Variants in DLC1 observed in about 807,000 individuals in gnomAD.
DLC1 encodes the protein rho GTPase-activating protein 7.
In DLC1, 54 loss-of-function variants were observed where a neutral mutation model predicts 140.3. That is an observed-to-expected ratio of 0.38 (90% CI 0.31 to 0.48). The LOEUF (loss-of-function observed/expected upper bound fraction) is 0.48, where lower values mean the gene tolerates loss of function less well. Ranked by LOEUF, DLC1 falls within the 20% of genes least tolerant of loss-of-function variation. The pLI is 0.96. For missense variants in DLC1, 2,536 were observed against 1,907.0 expected (o/e 1.33, Z -6.14); for synonymous variants, 986 against 728.1 (o/e 1.35, Z -5.70).
intron 10 of DLC1, among the ~76,000 whole-genome samples, chr8:13,096,244 T>G (rs959491266): frequency 2.0e-5 from 3 of 152,198 alleles, no homozygotes; most frequent in Admixed American, 2.0e-4. Context: ...AGAAGTATTA[T>G]GGACTTTCAG....
chr8:13,302,152 G>T (rs2117507205), intron 5 of DLC1, among the ~76,000 whole-genome samples: 1 of 152,314 alleles, frequency 6.6e-6, no homozygotes, highest in Non-Finnish European at 1.5e-5. Context: ...ACAGTACTTT[G>T]ATTTGATTCC....
intron 4 of DLC1, among the ~76,000 whole-genome samples, chr8:13,313,670 G>T (rs1832764301): frequency 6.6e-6 from 1 of 152,188 alleles, no homozygotes; most frequent in Admixed American, 6.5e-5. Context: ...AATATAGGTT[G>T]TCTGTCTCTG....
chr8:13,250,937 A>G lies in DLC1; in HGVS notation c.1348+54332T>C, dbSNP rs1288817429. 8.8e-5 allele frequency among the ~76,000 whole-genome samples: 13 copies of G among 148,382 alleles called. No homozygotes were observed. The East Asian group carries it at 1.0e-3, about 12-fold the overall frequency. On this transcript the variant is annotated intron_variant, in intron 5 of 17. Transcript: ENST00000276297. ...TGACTACATTTAATACTAAAAGAAAATTCAGTGCATTGCTGTGTAAGTCTA... is the reference window on the plus strand; with the variant it reads ...TGACTACATTTAATACTAAAAGAAAGTTCAGTGCATTGCTGTGTAAGTCTA...
In DLC1 at chr8:13,499,966, C is replaced by T; in HGVS notation, c.106G>A (p.Val36Ile). Residue 36 changes from valine (V) to isoleucine (I), a missense_variant, in exon 2 of 18, where the codon GTA (valine) becomes ATA (isoleucine). By Grantham distance (29) the Val-to-Ile change is conservative. Transcript: ENST00000276297. ...ATACTTGCCTGCAAGCTGTCAGCTA[C>T]TAGTCCATGATGACATGCTGTGTTA... ...DRNTACHHGL[V>I]ADSLQASMEK... is the part of the protein sequence containing the mutation. 1 of 1,614,106 alleles carries T rather than the reference C, an allele frequency of 6.2e-7. No individual in the cohort carries two copies. Among genetic ancestry groups the T allele is most frequent in the South Asian group, 1.1e-5 (1 of 91,088 alleles).
At position 13,496,785 on chromosome 8, in the gene DLC1, CCTTTTTTT is replaced by C. The variant is rs1392064776; in HGVS notation, c.1023+2256_1023+2263del. ...TAATTAACAAATTCTTAGACCATTT[CCTTTTTTT>C]TTTTTTTTTTTTTTTTTTTTTTTTT... is the stretch of plus-strand genomic sequence containing the variant. On this transcript the variant is annotated intron_variant, in intron 2 of 17. Coordinates refer to ENST00000276297, the MANE Select transcript of DLC1 (RefSeq NM_182643.3). 9.9e-3 allele frequency among the ~76,000 whole-genome samples: 86 copies of C among 8,650 alleles called. 25 individuals are homozygous for C. Among genetic ancestry groups the C allele is most frequent in the Non-Finnish European group, 0.028 (40 of 1,454 alleles). The allele number at this position is 8,650 out of a possible 152,430, so 5.7% of individuals were successfully genotyped here. A position where few individuals can be genotyped will look rare whatever the true frequency, so the allele number is the denominator to read the frequency against.
At chr8:13,299,992 T>C (rs141651676) in intron 5 of DLC1, among the ~76,000 whole-genome samples, 1 of 152,266 alleles carries the variant, frequency 6.6e-6, no homozygotes, top group African/African-American at 2.4e-5. Flanking sequence ...CATATGTTCA[T>C]TGCAGCACTA....
chr8:13,343,924 A>G (rs936171815), intron 4 of DLC1, among the ~76,000 whole-genome samples: 3 of 152,134 alleles, frequency 2.0e-5, no homozygotes, highest in Admixed American at 6.5e-5. Context: ...TGAAATACTT[A>G]GTTGCTTAAG....
intron 1 of DLC1, among the ~76,000 whole-genome samples, chr8:13,520,447 G>A (rs994025934): frequency 6.6e-6 from 1 of 152,042 alleles, no homozygotes; most frequent in African/African-American, 2.4e-5. Flanking sequence ...CACAGGGAGG[G>A]GAACATCACA....
chr8:13,092,704 T>A lies in DLC1; in HGVS notation c.3648A>T (p.Lys1216Asn). 1 of 1,614,170 alleles carries A rather than the reference T, an allele frequency of 6.2e-7. No homozygotes were observed. Among genetic ancestry groups the A allele is most frequent in the Non-Finnish European group, 8.5e-7 (1 of 1,180,020 alleles). The change falls in exon 13 of 18, where the codon AAA becomes AAT. Residue 1216 changes from lysine (K) to asparagine (N), a missense_variant. By Grantham distance (94) the Lys-to-Asn change is moderately conservative (BLOSUM62 0). Coordinates refer to ENST00000276297, the MANE Select transcript of DLC1 (RefSeq NM_182643.3). The part of the protein sequence containing the change: ...YFLSDVTAAV[K>N]ENQMTPTNLA... ...GGTTGGTTGGGGTCATCTGGTTTTC[T>A]TTTACGGCTGCTGTGACATCGCTCA...
At chr8:13,563,099 T>C (rs963781097) in intron 1 of DLC1, among the ~76,000 whole-genome samples, 2 of 152,194 alleles carry the variant, frequency 1.3e-5, no homozygotes, top group Non-Finnish European at 2.9e-5. Flanking sequence ...AAACTTCTCT[T>C]CCTGCTCCTT....
At chr8:13,522,929 G>A (rs1802806944) in intron 1 of DLC1, among the ~76,000 whole-genome samples, 1 of 152,136 alleles carries the variant, frequency 6.6e-6, no homozygotes, top group Non-Finnish European at 1.5e-5. Context: ...CAGTCCTAAG[G>A]AAGCGTGTGC....
At chr8:13,582,107 A>AT (rs1446806527) in intron 1 of DLC1, among the ~76,000 whole-genome samples, 2 of 151,960 alleles carry the variant, frequency 1.3e-5, no homozygotes, top group South Asian at 2.1e-4. Flanking sequence ...TCTTAAATGC[A>AT]TTTTTTTCTA....
At chr8:13,525,494 A>T (rs750051200) in intron 1 of DLC1, among the ~76,000 whole-genome samples, 2 of 152,216 alleles carry the variant, frequency 1.3e-5, no homozygotes, top group Non-Finnish European at 2.9e-5. Flanking sequence ...GCATGCCAAC[A>T]GTTGGTATGA....
chr8:13,327,104 G>A (rs866609133), intron 4 of DLC1, among the ~76,000 whole-genome samples: 3 of 143,608 alleles, frequency 2.1e-5, no homozygotes, highest in Non-Finnish European at 3.0e-5. Context: ...ATAGGCGCCC[G>A]CCACCACACC....
chr8:13,563,983 CTT>C (rs1804336565), intron 1 of DLC1, among the ~76,000 whole-genome samples: 1 of 152,074 alleles, frequency 6.6e-6, no homozygotes. Context: ...TATTACAACA[CTT>C]TATCAATGTT....
chr8:13,597,870 T>C (rs1805734659), intron 1 of DLC1, among the ~76,000 whole-genome samples: 1 of 152,116 alleles, frequency 6.6e-6, no homozygotes, highest in South Asian at 2.1e-4. Context: ...ACATGGAATA[T>C]TTGCAATTGT....
chr8:13,095,316 C>T lies in DLC1; in HGVS notation c.3168-71G>A, dbSNP rs1818420715. ...CTTGTCTGTCTACACTTGTCCAATT[C>T]TGCAGGCAAACCCTGTGGGCTCCAG... On this transcript the variant is annotated intron_variant, in intron 10 of 17. Transcript: ENST00000276297. 12 of 1,590,126 alleles carry T rather than the reference C, an allele frequency of 7.5e-6. No homozygotes were observed. The South Asian group carries it at 1.1e-4, about 15-fold the overall frequency.
intron 5 of DLC1, among the ~76,000 whole-genome samples, chr8:13,224,045 T>C (rs1294225570): frequency 6.6e-6 from 1 of 152,166 alleles, no homozygotes; most frequent in Non-Finnish European, 1.5e-5. Context: ...TTTGGAATGA[T>C]TACAGATTCT....
intron 5 of DLC1, among the ~76,000 whole-genome samples, chr8:13,162,763 G>C (rs979856412): frequency 6.6e-6 from 1 of 152,132 alleles, no homozygotes; most frequent in Non-Finnish European, 1.5e-5. Context: ...AGCACAGTGA[G>C]ACCCCGTCTT....
Sources: gnomAD v4.1 joint callset for allele counts (sites outside exome capture counted in the v4.1 genomes callset) on GRCh38, gnomAD v4.1.1 for gene constraint, MANE v1.5 for transcripts, NCBI Gene and HGNC (gene_info 2026-07-23, HGNC 2026-07-21) for gene names.